The following STX18 variants were observed in gnomAD, a reference collection of about 807,000 sequenced individuals.
The protein encoded by STX18 is syntaxin-18.
Under a neutral mutation model 50.1 loss-of-function variants are expected in STX18, and 40 were observed. That is an observed-to-expected ratio of 0.80 (90% confidence interval 0.62 to 1.04). The LOEUF (loss-of-function observed/expected upper bound fraction) is 1.04. Ranked by LOEUF, STX18 falls within the 50% of genes least tolerant of loss-of-function variation. The pLI, the probability that STX18 is intolerant of heterozygous loss-of-function variation, is 0.00. For missense variants in STX18, 410 were observed against 415.8 expected (o/e 0.99, Z 0.12); for synonymous variants, 158 against 151.8 (o/e 1.04, Z -0.30).
At chr4:4,452,080 G>C (rs1263146341) in intron 5 of STX18, among the ~76,000 whole-genome samples, 1 of 152,236 alleles carries the variant, frequency 6.6e-6, no homozygotes, top group Non-Finnish European at 1.5e-5. Context: ...AGTGTGAGTG[G>C]TCTGGAGAGA....
intron 1 of STX18, among the ~76,000 whole-genome samples, chr4:4,511,290 A>G (rs1729992930): frequency 6.6e-6 from 1 of 152,244 alleles, no homozygotes; most frequent in South Asian, 2.1e-4. Context: ...AGCCTACGCT[A>G]ATGTGGACTC....
chr4:4,437,254 C>T (rs2108787658), intron 6 of STX18, among the ~76,000 whole-genome samples: 1 of 152,248 alleles, frequency 6.6e-6, no homozygotes, highest in South Asian at 2.1e-4. Flanking sequence ...CTGCGCCTGG[C>T]CCAGACTCAC....
intron 5 of STX18, among the ~76,000 whole-genome samples, chr4:4,451,073 T>C (rs1381049002): frequency 3.3e-5 from 5 of 152,340 alleles, no homozygotes; most frequent in Non-Finnish European, 4.4e-5. Context: ...TGAAGCCAAT[T>C]TGGGGGAAAG....
chr4:4,442,566 C>T (rs76410810), intron 5 of STX18, among the ~76,000 whole-genome samples: 1,633 of 152,018 alleles, frequency 0.011, 29 homozygotes, highest in African/African-American at 0.038. Context: ...TGCAGTGAGC[C>T]GAGATCACCC....
At chr4:4,473,519 T>G (rs34366541) in intron 1 of STX18, among the ~76,000 whole-genome samples, 1 of 151,882 alleles carries the variant, frequency 6.6e-6, no homozygotes, top group South Asian at 2.1e-4. Context: ...GGTCCCGATC[T>G]CCGGACCTCG....
chr4:4,503,664 A>G (rs144252382), intron 1 of STX18, among the ~76,000 whole-genome samples: 148 of 152,272 alleles, frequency 9.7e-4, no homozygotes, highest in African/African-American at 3.2e-3. Flanking sequence ...TTACTGAAAT[A>G]AAAATTTTAA....
intron 3 of STX18, among the ~76,000 whole-genome samples, chr4:4,458,657 T>A (rs1193988126): frequency 1.3e-5 from 2 of 152,164 alleles, no homozygotes; most frequent in African/African-American, 2.4e-5. Context: ...GAATTAAACA[T>A]CAACGAAAGT....
chr4:4,442,333 A>G (rs1047154206), intron 5 of STX18, among the ~76,000 whole-genome samples: 1 of 152,106 alleles, frequency 6.6e-6, no homozygotes, highest in Admixed American at 6.5e-5. Context: ...GAAAAAAAAA[A>G]CATGGGTGAA....
intron 1 of STX18, among the ~76,000 whole-genome samples, chr4:4,506,869 TA>T (rs1414082484): frequency 6.6e-6 from 1 of 152,154 alleles, no homozygotes; most frequent in East Asian, 1.9e-4. Flanking sequence ...AGTGAGAGGA[TA>T]AAATTCGAAC....
intron 6 of STX18, chr4:4,437,588 CTG>C: frequency 1.0e-5 from 10 of 984,030 alleles, no homozygotes; most frequent in Non-Finnish European, 1.2e-5. Flanking sequence ...CCTGTAATTT[CTG>C]TGACATGTCC....
chr4:4,479,393 G>A (rs1025339467), intron 1 of STX18, among the ~76,000 whole-genome samples: 1 of 152,164 alleles, frequency 6.6e-6, no homozygotes, highest in Non-Finnish European at 1.5e-5. Context: ...TGTCCCATCT[G>A]AGTACAATTA....
intron 1 of STX18, among the ~76,000 whole-genome samples, chr4:4,517,307 T>C (rs1052553580): frequency 6.6e-6 from 1 of 152,184 alleles, no homozygotes; most frequent in African/African-American, 2.4e-5. Flanking sequence ...GCTACTGTGA[T>C]ACTAAATAGA....
At chr4:4,516,492 A>T (rs183661683) in intron 1 of STX18, among the ~76,000 whole-genome samples, 21 of 152,302 alleles carry the variant, frequency 1.4e-4, no homozygotes, top group African/African-American at 5.1e-4. Context: ...CTCTTTTCCG[A>T]CAGGAATTGG....
At chr4:4,506,137 G>A (rs1266313043) in intron 1 of STX18, among the ~76,000 whole-genome samples, 1 of 152,118 alleles carries the variant, frequency 6.6e-6, no homozygotes, top group Non-Finnish European at 1.5e-5. Flanking sequence ...TTGTGTACAG[G>A]CAGTTTCTTA....
intron 1 of STX18, among the ~76,000 whole-genome samples, 161 bp downstream of exon 1, chr4:4,541,636 C>T (rs961887334): frequency 4.6e-5 from 7 of 151,900 alleles, no homozygotes; most frequent in Non-Finnish European, 7.4e-5. Flanking sequence ...GCTGTTCCTT[C>T]CCCCAAAAAG....
chr4:4,422,569 CA>C (rs59060926), intron 9 of STX18, among the ~76,000 whole-genome samples: 38,286 of 107,246 alleles, frequency 0.36, 5,940 homozygotes, highest in African/African-American at 0.51. Context: ...ACTCTGTCTC[CA>C]AAAAAAAAAA....
chr4:4,509,772 G>A (rs1037511817), intron 1 of STX18, among the ~76,000 whole-genome samples: 1 of 152,068 alleles, frequency 6.6e-6, no homozygotes, highest in Non-Finnish European at 1.5e-5. Context: ...AGGGTGGTCA[G>A]GATGAACTTA....
At chr4:4,428,502 A>G (rs1345181252) in intron 7 of STX18, among the ~76,000 whole-genome samples, 1 of 152,006 alleles carries the variant, frequency 6.6e-6, no homozygotes, top group Non-Finnish European at 1.5e-5. Context: ...TTGTCTACCA[A>G]AGTGCATGGC....
intron 1 of STX18, among the ~76,000 whole-genome samples, chr4:4,527,863 C>G (rs1040339903): frequency 1.9e-5 from 2 of 103,262 alleles, no homozygotes; most frequent in African/African-American, 7.1e-5. Flanking sequence ...CACACACACA[C>G]ACACATATAT....
Sources: gnomAD v4.1 joint callset for allele counts (sites outside exome capture counted in the v4.1 genomes callset) on GRCh38, gnomAD v4.1.1 for gene constraint, MANE v1.5 for transcripts, NCBI Gene and HGNC (gene_info 2026-07-23, HGNC 2026-07-21) for gene names.